The following NPC1 variants were observed in gnomAD, a reference collection of about 807,000 sequenced individuals.
NPC1 encodes the protein Niemann-Pick C1 protein.
A neutral mutation model predicts 140.4 loss-of-function variants in NPC1; 85 were observed. That is an observed-to-expected ratio of 0.61 (90% CI 0.51 to 0.72). The LOEUF (loss-of-function observed/expected upper bound fraction) is 0.72. Among genes scored for constraint, NPC1 ranks in the 30% least tolerant of loss-of-function variants. The probability of loss-of-function intolerance (pLI) is 0.00; values close to 1 mark genes in which losing one functional copy is unlikely to be tolerated. For missense variants in NPC1, 1,504 were observed against 1,623.8 expected, an observed-to-expected ratio of 0.93 and a Z score of 1.27; for synonymous variants, 656 against 624.8, an observed-to-expected ratio of 1.05 and a Z score of -0.74.
downstream of NPC1, chr18:23,526,612 T>C (rs746176272): frequency 1.2e-6 from 2 of 1,612,302 alleles, no homozygotes; most frequent in Admixed American, 1.7e-5. Context: ...TCATACTGTT[T>C]TATTTGCTGC....
rs149969172 is a variant in NPC1, at chr18:23,576,441, C to T, written c.58-2867G>A. The T allele has an allele frequency of 1.1e-3, 1,054 of 985,000 alleles. 9 individuals carry two copies. In the South Asian group the frequency reaches 0.014, roughly 13 times the overall value. The allele number at this position is 985,000 out of a possible 1,614,324, so 61.0% of individuals were successfully genotyped here. On this transcript the variant is annotated intron_variant, in intron 1 of 24. Transcript: ENST00000269228. ...GGTCTCAAAAAAAAAGTCATCCTGC[C>T]GAAAGAAGCAACCTAAGCCAGCAGG...
rs924903805 is a variant in NPC1 at position 23,557,921 on chromosome 18, G to A, written c.882-731C>T. On this transcript the variant is annotated intron_variant, in intron 6 of 24. Transcript: ENST00000269228. ...GATGGGAGGTGTATGTAAGAACACA[G>A]AAGCCAGCCAGAAGGCACTCCCAAT... Among the ~76,000 whole-genome samples the A allele has an allele frequency of 3.9e-5, 6 of 152,194 alleles. No individual in the cohort carries two copies. In the South Asian group the frequency reaches 1.2e-3, roughly 31 times the overall value.
rs555277203 is a variant in NPC1 at position 23,575,716 on chromosome 18, C to T, written c.58-2142G>A. Among the ~76,000 whole-genome samples, 7 of 133,764 alleles carry T rather than the reference C, an allele frequency of 5.2e-5. No homozygotes were observed. The South Asian group carries it at 1.7e-3, about 32-fold the overall frequency. The allele number at this position is 133,764 out of a possible 152,430, so 87.8% of individuals were successfully genotyped here. On this transcript the variant is annotated intron_variant, in intron 1 of 24. Transcript: ENST00000269228. ...CCCAGGAAATTTGGGCTTGAATCAA[C>T]ATTCAGGTTTGCTTCTCAAAAGGTC...
intron 11 of NPC1, among the ~76,000 whole-genome samples, chr18:23,547,386 T>G (rs1447546622): frequency 6.6e-6 from 1 of 152,218 alleles, no homozygotes; most frequent in Non-Finnish European, 1.5e-5. Context: ...CAGCACAATA[T>G]TCTATTGTAT....
chr18:23,539,563 G>GT (rs2058682815), intron 18 of NPC1, 93 bp from the exon 19 acceptor site: 1 of 910,480 alleles, frequency 1.1e-6, no homozygotes, highest in Non-Finnish European at 1.7e-6. Flanking sequence ...CCTTTTCTAC[G>GT]TTTTATACTG....
intron 4 of NPC1, among the ~76,000 whole-genome samples, chr18:23,563,611 A>G (rs568600233): frequency 6.6e-6 from 1 of 152,236 alleles, no homozygotes; most frequent in South Asian, 2.1e-4. Context: ...ATGGAGTTTC[A>G]CCATGCTGCC....
At chr18:23,536,609 C>T in intron 21 of NPC1, 64 bp downstream of exon 21, 1 of 1,446,260 alleles carries the variant, frequency 6.9e-7, no homozygotes, top group Non-Finnish European at 9.6e-7. Context: ...AGGGAACCCT[C>T]CCCACTCCCA....
downstream of NPC1, chr18:23,518,765 C>T (rs1374570253): frequency 1.0e-5 from 8 of 778,204 alleles, no homozygotes; most frequent in African/African-American, 1.7e-5. Context: ...TCTTTGTAAA[C>T]ACTTGTTGGC....
chr18:23,519,390 C>T (rs1362940484), downstream of NPC1, among the ~76,000 whole-genome samples: 6 of 152,010 alleles, frequency 3.9e-5, no homozygotes, highest in South Asian at 2.1e-4. Context: ...TGGTAGTGCA[C>T]GCCTATAGTC....
At chr18:23,550,353 T>C (rs1306998947) in intron 10 of NPC1, among the ~76,000 whole-genome samples, 1 of 152,068 alleles carries the variant, frequency 6.6e-6, no homozygotes, top group Non-Finnish European at 1.5e-5. Context: ...CAAATGAACA[T>C]GTACTCAACT....
downstream of NPC1, chr18:23,529,577 T>C (rs2058422619): frequency 1.1e-5 from 16 of 1,454,556 alleles, no homozygotes; most frequent in East Asian, 2.3e-5. Flanking sequence ...TAGAGAGTTA[T>C]ATGCAGCCTC....
chr18:23,559,773 A>T (rs987470417), intron 6 of NPC1, among the ~76,000 whole-genome samples: 1 of 152,088 alleles, frequency 6.6e-6, no homozygotes, highest in Non-Finnish European at 1.5e-5. Flanking sequence ...AACACGGTGA[A>T]ACCCCGTCTC....
At chr18:23,569,310 G>A (rs555164902) in intron 3 of NPC1, among the ~76,000 whole-genome samples, 5 of 152,028 alleles carry the variant, frequency 3.3e-5, no homozygotes, top group Non-Finnish European at 2.9e-5. Flanking sequence ...AGGGACTTTG[G>A]AGCATCAGGA....
chr18:23,534,093 G>T, intron 23 of NPC1: 1 of 445,010 alleles, frequency 2.2e-6, no homozygotes, highest in South Asian at 2.2e-5. Flanking sequence ...GCTAAGCCAG[G>T]GTGTAGAGTT....
At chr18:23,543,347 G>GAAAA in intron 14 of NPC1, 108 bp downstream of exon 14, 1 of 404,268 alleles carries the variant, frequency 2.5e-6, no homozygotes, top group South Asian at 2.9e-5. Context: ...AAAAAAAAAA[G>GAAAA]AAAAAAAAAA....
At chr18:23,547,827 C>T (rs940183378) in intron 11 of NPC1, among the ~76,000 whole-genome samples, 179 bp downstream of exon 11, 7 of 152,204 alleles carry the variant, frequency 4.6e-5, no homozygotes, top group African/African-American at 1.4e-4. Flanking sequence ...GTTTAAAGCA[C>T]CTGCTCAAAG....
downstream of NPC1, chr18:23,524,599 C>A: frequency 1.9e-6 from 2 of 1,027,886 alleles, no homozygotes; most frequent in Non-Finnish European, 2.9e-6. Flanking sequence ...TCCTTTCAAG[C>A]GTGGGAATGG....
chr18:23,538,814 TATCTAAA>T (rs2058670868), intron 19 of NPC1, 143 bp from the exon 20 acceptor site: 2 of 859,848 alleles, frequency 2.3e-6, no homozygotes, highest in Non-Finnish European at 3.8e-6. Flanking sequence ...TCTTTCCCCT[TATCTAAA>T]AGCTTCAGCC....
chr18:23,551,229 C>T lies in NPC1; in HGVS notation c.1654+398G>A, dbSNP rs1009289357. Among the ~76,000 whole-genome samples the T allele has an allele frequency of 2.6e-5, 4 of 152,142 alleles. No homozygotes were observed. In the East Asian group the frequency reaches 7.7e-4, roughly 29 times the overall value. ...AATCCATCAACTTTGTTTCTTTTTC[C>T]ACATACCTCACATACTATCTTTTCT... On this transcript the variant is annotated intron_variant, in intron 10 of 24. Coordinates refer to ENST00000269228, the MANE Select transcript of NPC1 (RefSeq NM_000271.5).
Sources: gnomAD v4.1 joint callset for allele counts (sites outside exome capture counted in the v4.1 genomes callset) on GRCh38, gnomAD v4.1.1 for gene constraint, MANE v1.5 for transcripts, NCBI Gene and HGNC (gene_info 2026-07-23, HGNC 2026-07-21) for gene names.